TSHZ2: variants seen among roughly 807,000 people sequenced by gnomAD.
TSHZ2 encodes the protein teashirt homolog 2.
TSHZ2 carries 21 observed loss-of-function variants against 74.4 expected under a neutral mutation model. The observed-to-expected ratio is 0.28, with a 90% CI of 0.20 to 0.41. The LOEUF is 0.41. Among genes scored for constraint, TSHZ2 ranks in the 10% least tolerant of loss-of-function variants. TSHZ2 has a pLI of 1.00. For missense variants in TSHZ2, 1,244 were observed against 1,293.5 expected, an observed-to-expected ratio of 0.96 and a Z score of 0.59; for synonymous variants, 540 against 515.3, an observed-to-expected ratio of 1.05 and a Z score of -0.65.
chr20:53,345,506 C>G (rs566278604), intron 2 of TSHZ2, among the ~76,000 whole-genome samples: 15 of 152,188 alleles, frequency 9.9e-5, no homozygotes, highest in African/African-American at 3.4e-4. Flanking sequence ...AATTAAAACT[C>G]CTACTATCAT....
At chr20:53,453,592 A>T (rs960371541) in intron 2 of TSHZ2, among the ~76,000 whole-genome samples, 2 of 152,218 alleles carry the variant, frequency 1.3e-5, no homozygotes, top group African/African-American at 4.8e-5. Context: ...TCTTAATTTA[A>T]AACCAGGAGG....
At chr20:53,469,359 C>T (rs1011345649) in intron 2 of TSHZ2, among the ~76,000 whole-genome samples, 1 of 151,632 alleles carries the variant, frequency 6.6e-6, no homozygotes, top group Non-Finnish European at 1.5e-5. Context: ...GCCTGGCCAA[C>T]ATGGTGAAAC....
At chr20:53,329,806 G>T (rs1979647108) in intron 2 of TSHZ2, among the ~76,000 whole-genome samples, 1 of 152,056 alleles carries the variant, frequency 6.6e-6, no homozygotes, top group Admixed American at 6.5e-5. Context: ...ATCCACTGGA[G>T]GAAAAGAAAG....
rs6022338 is a variant in TSHZ2, at chr20:53,221,729, T to C, written c.41-31770T>C. On this transcript the variant is annotated intron_variant, in intron 1 of 2. Coordinates refer to ENST00000371497, the MANE Select transcript of TSHZ2 (RefSeq NM_173485.6). ...CTCCTAAACGTGTTTGAGAGCAATA[T>C]TGTTTCGTAAAAACAAAATGACCCC... Among the ~76,000 whole-genome samples the C allele has an allele frequency of 3.8e-4, 58 of 152,340 alleles. 1 individual carries two copies. Among genetic ancestry groups the C allele is most frequent in the African/African-American group, 1.4e-3 (58 of 41,578 alleles).
chr20:53,436,564 T>TC (rs1984088176), intron 2 of TSHZ2, among the ~76,000 whole-genome samples: 1 of 145,564 alleles, frequency 6.9e-6, no homozygotes, highest in African/African-American at 2.5e-5. Flanking sequence ...TTTTTTTTTT[T>TC]AGATGGAGCC....
chr20:53,295,857 G>T (rs1477678406), intron 2 of TSHZ2, among the ~76,000 whole-genome samples: 1 of 152,032 alleles, frequency 6.6e-6, no homozygotes, highest in Non-Finnish European at 1.5e-5. Context: ...TTGGAGCATA[G>T]AAGAAAATTT....
At chr20:53,212,673 T>C (rs1247684854) in intron 1 of TSHZ2, among the ~76,000 whole-genome samples, 1 of 152,164 alleles carries the variant, frequency 6.6e-6, no homozygotes, top group Non-Finnish European at 1.5e-5. Flanking sequence ...AGATCTCAAG[T>C]GTGGCTGGAT....
intron 1 of TSHZ2, among the ~76,000 whole-genome samples, chr20:53,206,154 G>A (rs1387444677): frequency 1.3e-5 from 2 of 152,190 alleles, no homozygotes; most frequent in African/African-American, 2.4e-5. Flanking sequence ...GGGAGTCAGA[G>A]GTTGCAGTGA....
chr20:53,165,955 A>G (rs1988053081), intron 1 of TSHZ2, among the ~76,000 whole-genome samples: 1 of 152,202 alleles, frequency 6.6e-6, no homozygotes, highest in Non-Finnish European at 1.5e-5. Flanking sequence ...TGGCCTGGAC[A>G]CTGAAGTTCA....
intron 1 of TSHZ2, among the ~76,000 whole-genome samples, chr20:53,215,812 G>A (rs1157951235): frequency 1.3e-5 from 2 of 150,604 alleles, no homozygotes; most frequent in Non-Finnish European, 2.9e-5. Context: ...AGGTTGTGGT[G>A]AGCCGAGGTC....
intron 1 of TSHZ2, among the ~76,000 whole-genome samples, chr20:53,025,769 A>G (rs370680647): frequency 1.3e-5 from 2 of 152,226 alleles, no homozygotes; most frequent in Non-Finnish European, 2.9e-5. Flanking sequence ...AACTCTCTGC[A>G]GTGCACACAG....
chr20:53,204,363 TATCATCATATAACATGATGATATGATAC>T lies in TSHZ2; in HGVS notation c.41-49135_41-49108del, dbSNP rs1315327871. Among the ~76,000 whole-genome samples the T allele has an allele frequency of 1.3e-3, 188 of 146,860 alleles. 10 individuals are homozygous for T. Among genetic ancestry groups the T allele is most frequent in the African/African-American group, 4.4e-3 (179 of 40,376 alleles). Reference sequence around the variant, plus strand: ...CATATAACATGATGATATGATACTATATCATCATATAACATGATGATATGATACTATATCATCATATAACATGATGATA... The same window carrying T: ...CATATAACATGATGATATGATACTATTATATCATCATATAACATGATGATA... On this transcript the variant is annotated intron_variant, in intron 1 of 2. Coordinates refer to ENST00000371497, the MANE Select transcript of TSHZ2 (RefSeq NM_173485.6).
rs775684942 is a variant in TSHZ2, at chr20:53,255,365, A to G, written c.1907A>G (p.Lys636Arg). 1.1e-5 allele frequency: 18 copies of G among 1,614,002 alleles called. No homozygotes were observed. In the Admixed American group the frequency reaches 2.8e-4, roughly 25 times the overall value. ...CACAGTGAGGGCGATTCTTTCCGCA[A>G]AAGTGAAACACCTCCAGAAGCCAAA... ...FSHSEGDSFR[K>R]SETPPEAKKT... The change falls in exon 2 of 3, where the codon AAA becomes AGA. Residue 636 changes from lysine to arginine, a missense_variant. By Grantham distance (26) the Lys-to-Arg change is conservative (BLOSUM62 2). This residue lies in a region of TSHZ2 where 562 missense variants were observed against 544.0 expected (regional missense o/e 1.03). Coordinates refer to ENST00000371497, the MANE Select transcript of TSHZ2 (RefSeq NM_173485.6). The surrounding 1 kb of genome is among the most constrained non-coding windows in gnomAD (Gnocchi z 4.1).
At chr20:53,058,657 A>C (rs1984723499) in intron 1 of TSHZ2, among the ~76,000 whole-genome samples, 1 of 152,248 alleles carries the variant, frequency 6.6e-6, no homozygotes, top group Non-Finnish European at 1.5e-5. Flanking sequence ...CCCCAAGTAC[A>C]TAGCAGATGC....
intron 1 of TSHZ2, among the ~76,000 whole-genome samples, chr20:52,986,401 CAAAAAA>C (rs34991984): frequency 3.3e-5 from 4 of 120,794 alleles, no homozygotes; most frequent in Middle Eastern, 5.2e-3. Flanking sequence ...AAGAATCCAT[CAAAAAA>C]AAAAAAAAAA....
intron 2 of TSHZ2, among the ~76,000 whole-genome samples, chr20:53,276,047 G>A (rs772046266): frequency 2.0e-5 from 3 of 152,184 alleles, no homozygotes; most frequent in Non-Finnish European, 4.4e-5. Flanking sequence ...GAAATGTACC[G>A]TCTCATCCAA....
chr20:52,997,341 A>G (rs1982243559), intron 1 of TSHZ2, among the ~76,000 whole-genome samples: 1 of 151,502 alleles, frequency 6.6e-6, no homozygotes, highest in African/African-American at 2.4e-5. Context: ...ACCAATAGTG[A>G]TCAGTCTTGC....
At chr20:53,243,799 T>G (rs1182815339) in intron 1 of TSHZ2, among the ~76,000 whole-genome samples, 1 of 151,476 alleles carries the variant, frequency 6.6e-6, no homozygotes, top group Non-Finnish European at 1.5e-5. Context: ...GAGAGAACAG[T>G]GGGTTTCTTG....
chr20:52,972,425 G>GTGTGTGTGTGTT lies in TSHZ2; in HGVS notation c.-857_-846dup, dbSNP rs1228547777. Reference sequence around the variant, plus strand: ...CTGTCTTGTGTGTGTGTGCGAGGGTGTGTGTGTGTGTTTGTGTGTGTGTGC... The same window carrying GTGTGTGTGTGTT: ...CTGTCTTGTGTGTGTGTGCGAGGGTGTGTGTGTGTGTTTGTGTGTGTGTTTGTGTGTGTGTGC... On this transcript the variant is annotated 5_prime_UTR_variant, in exon 1 of 3. Coordinates refer to ENST00000371497, the MANE Select transcript of TSHZ2 (RefSeq NM_173485.6). 1.4e-5 allele frequency: 2 copies of GTGTGTGTGTGTT among 144,678 alleles called. No individual in the cohort carries two copies. Among genetic ancestry groups the GTGTGTGTGTGTT allele is most frequent in the Non-Finnish European group, 3.1e-5 (2 of 63,982 alleles). 9.0% of individuals were successfully genotyped at this position (144,678 alleles called of 1,614,324 possible).
Sources: allele counts gnomAD v4.1 joint callset (sites outside exome capture counted in the v4.1 genomes callset), GRCh38; gene constraint gnomAD v4.1.1; regional missense constraint gnomAD v4.1.1; non-coding constraint Gnocchi (gnomAD v3.1); transcripts MANE v1.5; gene names NCBI Gene and HGNC (gene_info 2026-07-23, HGNC 2026-07-21).